SORCS3: variants seen among roughly 807,000 people sequenced by gnomAD.
SORCS3 encodes the protein sortilin related VPS10 domain containing receptor 3.
Under a neutral mutation model 146.3 loss-of-function variants are expected in SORCS3, and 57 were observed. That is an observed-to-expected ratio of 0.39 (90% CI 0.31 to 0.49). The LOEUF is 0.49. SORCS3 is among the 20% of genes least tolerant of loss of function. The pLI, the probability that SORCS3 is intolerant of heterozygous loss-of-function variation, is 0.92. For synonymous variants in SORCS3, 653 were observed against 618.5 expected (o/e 1.06, Z -0.83); for missense variants, 1,341 against 1,575.5 (o/e 0.85, Z 2.52).
chr10:104,907,739 A>C (rs945842689), intron 2 of SORCS3, among the ~76,000 whole-genome samples: 1 of 152,210 alleles, frequency 6.6e-6, no homozygotes, highest in African/African-American at 2.4e-5. Flanking sequence ...AGTTGGGTAA[A>C]AAGAGGTCAG....
chr10:104,740,737 T>G (rs1242160661), intron 1 of SORCS3, among the ~76,000 whole-genome samples: 3 of 152,198 alleles, frequency 2.0e-5, no homozygotes, highest in Non-Finnish European at 4.4e-5. Context: ...CTTCTGTGTG[T>G]CAAGGCAAGG....
chr10:104,996,605 A>G (rs2055028954), intron 4 of SORCS3, among the ~76,000 whole-genome samples: 1 of 152,178 alleles, frequency 6.6e-6, no homozygotes, highest in Non-Finnish European at 1.5e-5. Flanking sequence ...TTCATCTAAC[A>G]CAAGTAGAGC....
intron 22 of SORCS3, among the ~76,000 whole-genome samples, chr10:105,250,117 G>T (rs1334616136): frequency 1.3e-5 from 2 of 152,238 alleles, no homozygotes; most frequent in Non-Finnish European, 2.9e-5. Flanking sequence ...CCTTCTTGCT[G>T]TGTCTTCACA....
chr10:104,953,073 A>ACT (rs2019450543), intron 3 of SORCS3, among the ~76,000 whole-genome samples: 1 of 152,152 alleles, frequency 6.6e-6, no homozygotes, highest in Non-Finnish European at 1.5e-5. Flanking sequence ...TGGAAACCCC[A>ACT]CTCTCTGACA....
At chr10:104,826,201 A>G (rs1226012061) in intron 1 of SORCS3, among the ~76,000 whole-genome samples, 1 of 152,168 alleles carries the variant, frequency 6.6e-6, no homozygotes, top group Non-Finnish European at 1.5e-5. Context: ...TGTAATACAC[A>G]TCAAGCATCA....
intron 2 of SORCS3, among the ~76,000 whole-genome samples, chr10:104,915,177 G>C (rs759050242): frequency 6.6e-6 from 1 of 152,164 alleles, no homozygotes; most frequent in Non-Finnish European, 1.5e-5. Flanking sequence ...CAGGTAGCCA[G>C]CAGGATCATT....
intron 3 of SORCS3, among the ~76,000 whole-genome samples, chr10:104,927,992 A>G (rs995896506): frequency 2.0e-5 from 3 of 152,322 alleles, no homozygotes; most frequent in Non-Finnish European, 4.4e-5. Flanking sequence ...GTAGAGGCAA[A>G]AATCAGGCAG....
intron 25 of SORCS3, 37 bp from the exon 26 acceptor site, chr10:105,262,294 T>A: frequency 6.3e-7 from 1 of 1,596,546 alleles, no homozygotes; most frequent in Non-Finnish European, 8.6e-7. Flanking sequence ...TGGCACACCC[T>A]GTGATCTTAA....
intron 4 of SORCS3, among the ~76,000 whole-genome samples, chr10:105,024,052 G>A (rs79196785): frequency 1.6e-3 from 248 of 152,206 alleles, no homozygotes; most frequent in Middle Eastern, 6.8e-3. Flanking sequence ...GCCGAATTAT[G>A]TTTATCTTTG....
chr10:104,746,782 T>C (rs2016916625), intron 1 of SORCS3, among the ~76,000 whole-genome samples: 1 of 152,218 alleles, frequency 6.6e-6, no homozygotes, highest in African/African-American at 2.4e-5. Flanking sequence ...TGTGCCTGGC[T>C]TATTTCACTT....
chr10:105,001,165 G>A (rs1416681608), intron 4 of SORCS3, among the ~76,000 whole-genome samples: 1 of 152,128 alleles, frequency 6.6e-6, no homozygotes, highest in East Asian at 1.9e-4. Context: ...AGATAATGTT[G>A]TGAAGGTTCA....
intron 20 of SORCS3, among the ~76,000 whole-genome samples, chr10:105,234,887 A>G (rs1001349825): frequency 5.3e-5 from 8 of 151,942 alleles, no homozygotes; most frequent in Non-Finnish European, 1.0e-4. Flanking sequence ...TGTGTCTTCT[A>G]TGTTTTTTCC....
chr10:105,216,398 T>C (rs369868534), intron 18 of SORCS3, among the ~76,000 whole-genome samples: 3 of 152,172 alleles, frequency 2.0e-5, no homozygotes, highest in African/African-American at 7.2e-5. Flanking sequence ...GAGGGCATTA[T>C]TATTGAAACC....
intron 7 of SORCS3, among the ~76,000 whole-genome samples, chr10:105,119,984 G>A (rs2055920217): frequency 6.6e-6 from 1 of 152,124 alleles, no homozygotes; most frequent in Admixed American, 6.5e-5. Flanking sequence ...TGAGATTTGG[G>A]AGGGGCCAGG....
At chr10:104,706,439 C>A (rs2133435289) in intron 1 of SORCS3, among the ~76,000 whole-genome samples, 1 of 152,106 alleles carries the variant, frequency 6.6e-6, no homozygotes, top group South Asian at 2.1e-4. Flanking sequence ...CATCTCTTGA[C>A]CTCGTGATCC....
intron 5 of SORCS3, among the ~76,000 whole-genome samples, chr10:105,053,945 T>G (rs1408197622): frequency 1.2e-4 from 19 of 152,014 alleles, no homozygotes; most frequent in Non-Finnish European, 2.4e-4. Flanking sequence ...ATCCAAAGAG[T>G]TTACACCTGT....
intron 4 of SORCS3, among the ~76,000 whole-genome samples, chr10:105,005,387 A>C (rs2055088385): frequency 6.6e-6 from 1 of 152,220 alleles, no homozygotes; most frequent in South Asian, 2.1e-4. Context: ...ATTCATACCC[A>C]AAGTGTTAAG....
In SORCS3 at chr10:105,157,244, C is replaced by T. The variant is rs989139495; in HGVS notation, c.1589C>T (p.Pro530Leu). The T allele has an allele frequency of 3.1e-6, 5 of 1,613,934 alleles. No homozygotes were observed. The highest frequency in any genetic ancestry group is 4.2e-6 in the Non-Finnish European group (5 of 1,179,952). Residue 530 changes from proline (P) to leucine (L), a missense_variant, in exon 10 of 27, where the codon CCG becomes CTG. Physicochemically the swap from Pro to Leu is moderately conservative, Grantham distance 98. Coordinates refer to ENST00000369701, the MANE Select transcript of SORCS3 (RefSeq NM_014978.3). ...AGGGATTGGCGCCTGCTGCAAGCTC[C>T]GGATGTGGACCTGAGAGGAAGCCCA... ...KGRDWRLLQA[P>L]DVDLRGSPVH...
intron 1 of SORCS3, among the ~76,000 whole-genome samples, chr10:104,683,190 T>C (rs188165015): frequency 2.2e-3 from 329 of 152,060 alleles, no homozygotes; most frequent in Admixed American, 4.6e-3. Flanking sequence ...TCATGAAGAG[T>C]CCAGGGAACA....
Sources: gnomAD v4.1 joint callset for allele counts (sites outside exome capture counted in the v4.1 genomes callset) on GRCh38, gnomAD v4.1.1 for gene constraint, MANE v1.5 for transcripts, NCBI Gene and HGNC (gene_info 2026-07-23, HGNC 2026-07-21) for gene names.